The following COMMD10 variants were observed in gnomAD, a reference collection of about 807,000 sequenced individuals.
The protein encoded by COMMD10 is COMM domain-containing protein 10.
COMMD10 carries 33 observed loss-of-function variants against 28.9 expected under a neutral mutation model. That is an observed-to-expected ratio of 1.14 (90% CI 0.87 to 1.53). The LOEUF is 1.53. COMMD10 is among the 40% of genes most tolerant of loss of function. The pLI, the probability that COMMD10 is intolerant of heterozygous loss-of-function variation, is 0.00. For synonymous variants in COMMD10, 110 were observed against 81.7 expected, an observed-to-expected ratio of 1.35 and a Z score of -1.87; for missense variants, 310 against 233.4, an observed-to-expected ratio of 1.33 and a Z score of -2.14.
chr5:116,218,457 TTTAAG>T (rs1749161025), intron 5 of COMMD10, among the ~76,000 whole-genome samples: 1 of 152,214 alleles, frequency 6.6e-6, no homozygotes, highest in African/African-American at 2.4e-5. Flanking sequence ...ATTGTGTACA[TTTAAG>T]TTGTTTATTA....
At chr5:116,251,602 GT>G (rs1561392856) in intron 5 of COMMD10, among the ~76,000 whole-genome samples, 1 of 150,904 alleles carries the variant, frequency 6.6e-6, no homozygotes, top group East Asian at 2.0e-4. Flanking sequence ...TTTCATCCAT[GT>G]CCCTACAAAG....
At chr5:116,152,488 T>A (rs996424222) in intron 5 of COMMD10, among the ~76,000 whole-genome samples, 1 of 152,080 alleles carries the variant, frequency 6.6e-6, no homozygotes, top group South Asian at 2.1e-4. Flanking sequence ...TTTAATACTT[T>A]GTATTTACTT....
intron 5 of COMMD10, among the ~76,000 whole-genome samples, chr5:116,189,100 G>A (rs79020108): frequency 0.023 from 3,548 of 152,234 alleles, 52 homozygotes; most frequent in Non-Finnish European, 0.034. Flanking sequence ...TTCCCTCTGT[G>A]GAAGCCAAAG....
intron 4 of COMMD10, among the ~76,000 whole-genome samples, chr5:116,103,519 C>G (rs549749881): frequency 1.4e-4 from 22 of 151,808 alleles, no homozygotes; most frequent in Non-Finnish European, 3.2e-4. Flanking sequence ...GGGTTTTTTT[C>G]TTGTAAATTT....
intron 4 of COMMD10, among the ~76,000 whole-genome samples, chr5:116,114,091 G>C (rs1369263108): frequency 6.6e-6 from 1 of 152,028 alleles, no homozygotes; most frequent in Non-Finnish European, 1.5e-5. Flanking sequence ...TTAGGGTGTG[G>C]GTTTTGATGG....
chr5:116,107,474 A>T (rs185187608), intron 4 of COMMD10, among the ~76,000 whole-genome samples: 37 of 152,236 alleles, frequency 2.4e-4, no homozygotes, highest in African/African-American at 8.9e-4. Context: ...CGATTCGGCT[A>T]TTGATACTTG....
At chr5:116,141,725 CATAA>C (rs1752203032) in intron 5 of COMMD10, among the ~76,000 whole-genome samples, 1 of 151,696 alleles carries the variant, frequency 6.6e-6, no homozygotes, top group African/African-American at 2.4e-5. Context: ...AGTGGGAGCA[CATAA>C]ATAAGATTGT....
At chr5:116,227,826 C>T (rs953844395) in intron 5 of COMMD10, among the ~76,000 whole-genome samples, 2 of 152,044 alleles carry the variant, frequency 1.3e-5, no homozygotes, top group Non-Finnish European at 2.9e-5. Flanking sequence ...AATTAGTTCT[C>T]TCACCCAGGG....
At chr5:116,283,978 A>G (rs1444508568) in intron 5 of COMMD10, among the ~76,000 whole-genome samples, 1 of 151,670 alleles carries the variant, frequency 6.6e-6, no homozygotes, top group Non-Finnish European at 1.5e-5. Context: ...AACAATAAAA[A>G]TAACTTACTG....
At chr5:116,127,136 A>C (rs6594947) in intron 4 of COMMD10, among the ~76,000 whole-genome samples, 124,035 of 151,272 alleles carry the variant, frequency 0.82, 50,996 homozygotes, top group African/African-American at 0.84. Context: ...GACACTTCTC[A>C]AAAGAAGACA....
chr5:116,270,709 G>T (rs1484836473), intron 5 of COMMD10, among the ~76,000 whole-genome samples: 1 of 151,732 alleles, frequency 6.6e-6, no homozygotes, highest in Non-Finnish European at 1.5e-5. Flanking sequence ...GGCCGAGGTG[G>T]ATGGATCAGC....
At chr5:116,101,232 A>T (rs1311118103) in intron 4 of COMMD10, among the ~76,000 whole-genome samples, 1 of 151,988 alleles carries the variant, frequency 6.6e-6, no homozygotes, top group Non-Finnish European at 1.5e-5. Flanking sequence ...TAGTACACTG[A>T]TTTCTTTTCC....
intron 5 of COMMD10, among the ~76,000 whole-genome samples, chr5:116,144,728 T>TA (rs1247303622): frequency 2.6e-5 from 4 of 151,778 alleles, no homozygotes; most frequent in Admixed American, 6.6e-5. Context: ...ATGATTTCAA[T>TA]AACAATTGAG....
At chr5:116,165,641 C>T (rs189993876) in intron 5 of COMMD10, among the ~76,000 whole-genome samples, 18 of 152,020 alleles carry the variant, frequency 1.2e-4, no homozygotes, top group Admixed American at 2.0e-4. Context: ...CGCACACACA[C>T]GCGTGTGCAC....
chr5:116,089,706 T>C (rs1379911308), intron 2 of COMMD10, among the ~76,000 whole-genome samples: 1 of 152,070 alleles, frequency 6.6e-6, no homozygotes, highest in Non-Finnish European at 1.5e-5. Context: ...GGAGAAGAGG[T>C]GCTTGTTGAA....
At chr5:116,108,175 C>G (rs1750906558) in intron 4 of COMMD10, among the ~76,000 whole-genome samples, 1 of 152,220 alleles carries the variant, frequency 6.6e-6, no homozygotes, top group South Asian at 2.1e-4. Context: ...AGGAGGCAGT[C>G]TGTCACTGGA....
At chr5:116,248,349 G>T (rs775071319) in intron 5 of COMMD10, among the ~76,000 whole-genome samples, 1 of 144,570 alleles carries the variant, frequency 6.9e-6, no homozygotes, top group Non-Finnish European at 1.6e-5. Flanking sequence ...CCCTGTGAGG[G>T]ATAATTAGAA....
At chr5:116,181,345 T>C (rs924764996) in intron 5 of COMMD10, among the ~76,000 whole-genome samples, 1 of 151,342 alleles carries the variant, frequency 6.6e-6, no homozygotes, top group Non-Finnish European at 1.5e-5. Flanking sequence ...AGTGTTCTTA[T>C]TATTGACCAA....
At chr5:116,289,690 G>T (rs1751315189) in intron 5 of COMMD10, among the ~76,000 whole-genome samples, 3 of 151,816 alleles carry the variant, frequency 2.0e-5, no homozygotes. Flanking sequence ...GGTTCTTCTT[G>T]GTTGCTCCGC....
Sources: allele counts gnomAD v4.1 joint callset (sites outside exome capture counted in the v4.1 genomes callset), GRCh38; gene constraint gnomAD v4.1.1; transcripts MANE v1.5; gene names NCBI Gene and HGNC (gene_info 2026-07-23, HGNC 2026-07-21).